The following MED28 variants were observed in gnomAD, a reference collection of about 807,000 sequenced individuals.
MED28 encodes mediator complex subunit 28.
Under a neutral mutation model 21.3 loss-of-function variants are expected in MED28, and 26 were observed. The ratio of observed to expected loss-of-function variants is 1.22; its 90% CI spans 0.89 to 1.69. MED28 has a LOEUF of 1.69. Ranked by LOEUF, MED28 falls within the 40% of genes most tolerant of loss-of-function variation. The pLI is 0.00. For missense variants in MED28, 257 were observed against 215.4 expected, an observed-to-expected ratio of 1.19 and a Z score of -1.21; for synonymous variants, 110 against 87.6, an observed-to-expected ratio of 1.26 and a Z score of -1.43.
Position 17,633,802 on chromosome 4 carries a change from C to T in MED28, c.*10004C>T. 1 of 1,551,610 alleles carries T rather than the reference C, an allele frequency of 6.4e-7. No individual in the cohort carries two copies. Among genetic ancestry groups the T allele is most frequent in the Non-Finnish European group, 8.7e-7 (1 of 1,146,968 alleles). On this transcript the variant is annotated 3_prime_UTR_variant, in exon 4 of 4. Coordinates refer to ENST00000237380, the MANE Select transcript of MED28 (RefSeq NM_025205.5). ...TTGGAGGGGCATTAATCCTGGAACT[C>T]AGATCGCCACTCAGAAAGTTCTTTG...
chr4:17,618,692 A>G (rs1243063177), intron 1 of MED28, among the ~76,000 whole-genome samples: 1 of 151,874 alleles, frequency 6.6e-6, no homozygotes. Context: ...AATTTTTTGT[A>G]TTTTTATTAG....
rs528717893 is a variant in MED28 at position 17,628,506 on chromosome 4, G to T, written c.*4708G>T. On this transcript the variant is annotated 3_prime_UTR_variant, in exon 4 of 4. Coordinates refer to ENST00000237380, the MANE Select transcript of MED28 (RefSeq NM_025205.5). ...AACCAGGGCCAGAATCCTAAAAGAG[G>T]TTCTTTGTGACACCCTCTGTCTGAG... 3.9e-5 allele frequency: 6 copies of T among 152,118 alleles called. No homozygotes were observed. In the East Asian group the frequency reaches 1.2e-3, roughly 29 times the overall value. The allele number at this position is 152,118 out of a possible 1,614,324, so 9.4% of individuals were successfully genotyped here. A position where few individuals can be genotyped will look rare whatever the true frequency, so the allele number is the denominator to read the frequency against.
chr4:17,625,020 T>C lies in MED28; in HGVS notation c.*1222T>C, dbSNP rs1022159101. On this transcript the variant is annotated 3_prime_UTR_variant, in exon 4 of 4. Coordinates refer to ENST00000237380, the MANE Select transcript of MED28 (RefSeq NM_025205.5). ...TCCTGTGGCTTTGTGCCTTGACTCATTTTGTTGTCTTCAGCCTTGAAGGCC... is the reference window on the plus strand; with the variant it reads ...TCCTGTGGCTTTGTGCCTTGACTCACTTTGTTGTCTTCAGCCTTGAAGGCC... 6.6e-6 allele frequency: 1 copy of C among 152,176 alleles called. No homozygotes were observed. Among genetic ancestry groups the C allele is most frequent in the African/African-American group, 2.4e-5 (1 of 41,384 alleles). The allele number at this position is 152,176 out of a possible 1,614,324, so 9.4% of individuals were successfully genotyped here.
Position 17,629,996 on chromosome 4 carries a change from A to G in MED28, c.*6198A>G, listed in dbSNP as rs1714876415. On this transcript the variant is annotated 3_prime_UTR_variant, in exon 4 of 4. Coordinates refer to ENST00000237380, the MANE Select transcript of MED28 (RefSeq NM_025205.5). ...GGAAGCATGCAAAGATTTTGTTAAC[A>G]AAGATATAATCATTGCAGGGTAGAA... 6.6e-6 allele frequency: 1 copy of G among 152,210 alleles called. No individual in the cohort carries two copies. The highest frequency in any genetic ancestry group is 6.5e-5 in the Admixed American group (1 of 15,284). The allele number at this position is 152,210 out of a possible 1,614,324, so 9.4% of individuals were successfully genotyped here. A position where few individuals can be genotyped will look rare whatever the true frequency, so the allele number is the denominator to read the frequency against.
rs1714397394 is a variant in MED28 at position 17,614,800 on chromosome 4, A to C, written c.146A>C (p.Glu49Ala). 2 of 1,607,860 alleles carry C rather than the reference A, an allele frequency of 1.2e-6. No homozygotes were observed. Among genetic ancestry groups the C allele is most frequent in the East Asian group, 2.2e-5 (1 of 44,802 alleles). Residue 49 changes from glutamate to alanine, a missense_variant, in exon 1 of 4, where the codon GAG (glutamate) becomes GCG (alanine). Coordinates refer to ENST00000237380, the MANE Select transcript of MED28 (RefSeq NM_025205.5). ...AGCAGTACTTTGGTGGACGAGTTGG[A>C]GTCATCTTTCGAGGTAATATAAGAC... is the stretch of plus-strand genomic sequence containing the variant. The part of the protein sequence containing the change: ...PSSSTLVDEL[E>A]SSFEACFASL...
chr4:17,620,236 T>A (rs575337521), intron 2 of MED28, among the ~76,000 whole-genome samples: 82 of 152,292 alleles, frequency 5.4e-4, no homozygotes, highest in African/African-American at 1.9e-3. Flanking sequence ...TTTAAAAAAA[T>A]TTTATTATTT....
At chr4:17,620,865 T>A (rs945041343) in intron 2 of MED28, among the ~76,000 whole-genome samples, 9 of 151,760 alleles carry the variant, frequency 5.9e-5, no homozygotes, top group Admixed American at 2.0e-4. Context: ...CACATTTGGC[T>A]AATTTTTGTT....
At position 17,630,718 on chromosome 4, in the gene MED28, C is replaced by CA. The variant is rs1350305330; in HGVS notation, c.*6920_*6921insA. The CA allele has an allele frequency of 6.6e-6, 1 of 151,082 alleles. No individual in the cohort carries two copies. The highest frequency in any genetic ancestry group is 1.5e-5 in the Non-Finnish European group (1 of 67,928). The allele number at this position is 151,082 out of a possible 1,614,324, so 9.4% of individuals were successfully genotyped here. On this transcript the variant is annotated 3_prime_UTR_variant, in exon 4 of 4. Transcript: ENST00000237380. ...TGCATTTAAAAATGCATTGGAGCCT[C>CA]GTTTTGATTAGGCAGTAAATTTACC...
At position 17,625,900 on chromosome 4, in the gene MED28, C is replaced by A; in HGVS notation, c.*2102C>A. The A allele has an allele frequency of 5.1e-6, 1 of 196,446 alleles. No individual in the cohort carries two copies. The highest frequency in any genetic ancestry group is 1.1e-5 in the Non-Finnish European group (1 of 93,902). The allele number at this position is 196,446 out of a possible 1,614,324, so 12.2% of individuals were successfully genotyped here. ...CTTAGGTCTGCCCACAGGCTTCAGG[C>A]TTTCAACTTTGAAACAAACATCTGT... On this transcript the variant is annotated 3_prime_UTR_variant, in exon 4 of 4. Transcript: ENST00000237380.
intron 2 of MED28, 110 bp downstream of exon 2, chr4:17,620,077 C>A: frequency 2.0e-6 from 2 of 997,564 alleles, no homozygotes; most frequent in East Asian, 2.5e-5. Flanking sequence ...GACAACATTT[C>A]AGGGACTAAA....
rs1714731075 is a variant in MED28 at position 17,624,778 on chromosome 4, G to A, written c.*980G>A. 6.6e-6 allele frequency: 1 copy of A among 152,092 alleles called. No individual in the cohort carries two copies. Among genetic ancestry groups the A allele is most frequent in the Admixed American group, 6.6e-5 (1 of 15,256 alleles). 9.4% of individuals were successfully genotyped at this position (152,092 alleles called of 1,614,324 possible). On this transcript the variant is annotated 3_prime_UTR_variant, in exon 4 of 4. Transcript: ENST00000237380. ...GGGAGGGGCTGCAGGGTGATCATTG[G>A]CTACTGAGCCTCCACAGAGAGCATG...
At position 17,632,899 on chromosome 4, in the gene MED28, T is replaced by A. The variant is rs182120675; in HGVS notation, c.*9101T>A. 2.1e-3 allele frequency: 577 copies of A among 270,856 alleles called. 1 individual carries two copies. Among genetic ancestry groups the A allele is most frequent in the Middle Eastern group, 5.2e-3 (4 of 768 alleles). 16.8% of individuals were successfully genotyped at this position (270,856 alleles called of 1,614,324 possible). On this transcript the variant is annotated 3_prime_UTR_variant, in exon 4 of 4. Coordinates refer to ENST00000237380, the MANE Select transcript of MED28 (RefSeq NM_025205.5). The stretch of plus-strand genomic sequence containing the variant: ...GGTTGTAGCTCTAATAATGCAGGAT[T>A]AACCAAACCTACAGATCAAGAGACT...
chr4:17,633,717 G>A lies in MED28; in HGVS notation c.*9919G>A, dbSNP rs1431401252. 3.9e-6 allele frequency: 6 copies of A among 1,547,492 alleles called. No homozygotes were observed. Among genetic ancestry groups the A allele is most frequent in the Non-Finnish European group, 5.2e-6 (6 of 1,145,126 alleles). ...GTGGCAGTTTTTGCATCTGTAGACT[G>A]GTTGGGTTTGTAGGTCCGGCCACAG... On this transcript the variant is annotated 3_prime_UTR_variant, in exon 4 of 4. Transcript: ENST00000237380.
rs1204914027 is a variant in MED28 at position 17,632,651 on chromosome 4, T to A, written c.*8853T>A. On this transcript the variant is annotated 3_prime_UTR_variant, in exon 4 of 4. Transcript: ENST00000237380. ...CTAAAAGCAAAAAAAGGTTTTTTTA[T>A]ATGGTTTTGAAAACTATGCAAGAAG... is the stretch of plus-strand genomic sequence containing the variant. 4.1e-6 allele frequency: 6 copies of A among 1,477,342 alleles called. No homozygotes were observed. Among genetic ancestry groups the A allele is most frequent in the Non-Finnish European group, 5.5e-6 (6 of 1,082,890 alleles). 91.5% of individuals were successfully genotyped at this position (1,477,342 alleles called of 1,614,324 possible).
Position 17,625,673 on chromosome 4 carries a change from G to A in MED28, c.*1875G>A, listed in dbSNP as rs1321186832. The stretch of plus-strand genomic sequence containing the variant: ...GTTTGTAGACATCTTACTGGGTGAT[G>A]AATAATCCTCTAAGAAACCCTCTGA... On this transcript the variant is annotated 3_prime_UTR_variant, in exon 4 of 4. Coordinates refer to ENST00000237380, the MANE Select transcript of MED28 (RefSeq NM_025205.5). The A allele has an allele frequency of 2.2e-6, 1 of 447,450 alleles. No homozygotes were observed. Among genetic ancestry groups the A allele is most frequent in the African/African-American group, 2.0e-5 (1 of 49,834 alleles). The allele number at this position is 447,450 out of a possible 1,614,324, so 27.7% of individuals were successfully genotyped here.
intron 1 of MED28, 120 bp from the exon 2 acceptor site, chr4:17,619,781 A>T (rs1315962373): frequency 1.3e-6 from 1 of 793,254 alleles, no homozygotes; most frequent in Non-Finnish European, 2.1e-6. Context: ...GCCATCTCAT[A>T]TGCAAACACA....
In MED28 at chr4:17,614,687, G is replaced by A; in HGVS notation, c.33G>A (p.Gly11=). Residue 11 remains glycine (G), a synonymous_variant, in exon 1 of 4, where the codon GGG becomes GGA. Coordinates refer to ENST00000237380, the MANE Select transcript of MED28 (RefSeq NM_025205.5). MAAPLGGMFS[G]QPPGPPQAPP... ...CTCCACTAGGGGGTATGTTTTCTGGGCAGCCACCCGGTCCCCCTCAGGCCC... is the reference window on the plus strand; with the variant it reads ...CTCCACTAGGGGGTATGTTTTCTGGACAGCCACCCGGTCCCCCTCAGGCCC... 1 of 1,613,658 alleles carries A rather than the reference G, an allele frequency of 6.2e-7. No individual in the cohort carries two copies. Among genetic ancestry groups the A allele is most frequent in the Non-Finnish European group, 8.5e-7 (1 of 1,179,912 alleles).
At position 17,625,071 on chromosome 4, in the gene MED28, T is replaced by A. The variant is rs1560159106; in HGVS notation, c.*1273T>A. ...CCTTCCCACATGGACTGACATCCACTCATGTGCCTGATCCCTGAAGCCTCC... is the reference window on the plus strand; with the variant it reads ...CCTTCCCACATGGACTGACATCCACACATGTGCCTGATCCCTGAAGCCTCC... On this transcript the variant is annotated 3_prime_UTR_variant, in exon 4 of 4. Transcript: ENST00000237380. 1 of 152,226 alleles carries A rather than the reference T, an allele frequency of 6.6e-6. No individual in the cohort carries two copies. Among genetic ancestry groups the A allele is most frequent in the Non-Finnish European group, 1.5e-5 (1 of 68,140 alleles). The allele number at this position is 152,226 out of a possible 1,614,324, so 9.4% of individuals were successfully genotyped here.
chr4:17,633,459 C>A lies in MED28; in HGVS notation c.*9661C>A. ...AAGTGACCTGTCCAAGGCCACAGAG[C>A]TAAGAATGAGGAAGACTGTAATTTG... On this transcript the variant is annotated 3_prime_UTR_variant, in exon 4 of 4. Coordinates refer to ENST00000237380, the MANE Select transcript of MED28 (RefSeq NM_025205.5). 2.4e-6 allele frequency: 1 copy of A among 422,122 alleles called. No individual in the cohort carries two copies. 26.1% of individuals were successfully genotyped at this position (422,122 alleles called of 1,614,324 possible). A position where few individuals can be genotyped will look rare whatever the true frequency, so the allele number is the denominator to read the frequency against.
Sources: gnomAD v4.1 joint callset for allele counts (sites outside exome capture counted in the v4.1 genomes callset) on GRCh38, gnomAD v4.1.1 for gene constraint, MANE v1.5 for transcripts, NCBI Gene and HGNC (gene_info 2026-07-23, HGNC 2026-07-21) for gene names.